The following DOCK3 variants were observed in gnomAD, a reference collection of about 807,000 sequenced individuals.
The protein encoded by DOCK3 is dedicator of cytokinesis protein 3.
A neutral mutation model predicts 265.6 loss-of-function variants in DOCK3; 60 were observed. The observed-to-expected ratio is 0.23, with a 90% CI of 0.18 to 0.28. The LOEUF (loss-of-function observed/expected upper bound fraction) is 0.28, where lower values mean the gene tolerates loss of function less well. Ranked by LOEUF, DOCK3 falls within the 10% of genes least tolerant of loss-of-function variation. The probability of loss-of-function intolerance (pLI) is 1.00; values close to 1 mark genes in which losing one functional copy is unlikely to be tolerated. For missense variants in DOCK3, 1,981 were observed against 2,594.3 expected, an observed-to-expected ratio of 0.76 and a Z score of 5.14; for synonymous variants, 881 against 938.0, an observed-to-expected ratio of 0.94 and a Z score of 1.11.
intron 5 of DOCK3, among the ~76,000 whole-genome samples, chr3:51,023,088 T>C (rs2108889809): frequency 6.6e-6 from 1 of 152,298 alleles, no homozygotes; most frequent in African/African-American, 2.4e-5. Flanking sequence ...TAGGTAGATA[T>C]CCAGATCTCT....
intron 37 of DOCK3, 143 bp from the exon 38 acceptor site, chr3:51,341,094 C>T (rs923618173): frequency 2.0e-6 from 2 of 1,014,510 alleles, no homozygotes; most frequent in African/African-American, 1.6e-5. Flanking sequence ...CCTACTGTTT[C>T]ATCTTTAGTA....
At chr3:50,764,715 A>AG (rs1185969181) in intron 1 of DOCK3, among the ~76,000 whole-genome samples, 2 of 152,128 alleles carry the variant, frequency 1.3e-5, no homozygotes, top group African/African-American at 2.4e-5. Context: ...TGAGGGGGTG[A>AG]GGCAGGAGGA....
chr3:50,689,307 A>G (rs2035051350), intron 1 of DOCK3, among the ~76,000 whole-genome samples: 1 of 152,240 alleles, frequency 6.6e-6, no homozygotes, highest in South Asian at 2.1e-4. Flanking sequence ...TGGATGATTT[A>G]TAAAGGAAAG....
intron 21 of DOCK3, among the ~76,000 whole-genome samples, chr3:51,241,512 T>C (rs2078610508): frequency 6.6e-6 from 1 of 152,250 alleles, no homozygotes; most frequent in South Asian, 2.1e-4. Context: ...TCCTGAAATA[T>C]GTTTTCTAAG....
At chr3:50,781,085 C>G (rs898522822) in intron 2 of DOCK3, among the ~76,000 whole-genome samples, 32 of 151,850 alleles carry the variant, frequency 2.1e-4, no homozygotes. Flanking sequence ...CATATCTTGG[C>G]TGTTGTGAAT....
At chr3:50,704,925 G>A (rs1461088392) in intron 1 of DOCK3, among the ~76,000 whole-genome samples, 2 of 151,920 alleles carry the variant, frequency 1.3e-5, no homozygotes, top group South Asian at 2.1e-4. Context: ...CACCACGCCC[G>A]GCCTCTATAT....
intron 5 of DOCK3, among the ~76,000 whole-genome samples, chr3:50,945,478 AAG>A (rs2076402624): frequency 6.6e-6 from 1 of 152,186 alleles, no homozygotes; most frequent in African/African-American, 2.4e-5. Context: ...GTATTAATAT[AAG>A]AGATTATGTT....
At chr3:51,159,433 T>C in intron 11 of DOCK3, 129 bp downstream of exon 11, 1 of 807,486 alleles carries the variant, frequency 1.2e-6, no homozygotes, top group South Asian at 2.0e-5. Context: ...AGAGTCCAGC[T>C]TGTATTGAAG....
At chr3:51,011,876 T>A (rs1455515956) in intron 5 of DOCK3, among the ~76,000 whole-genome samples, 2 of 152,312 alleles carry the variant, frequency 1.3e-5, no homozygotes, top group East Asian at 3.9e-4. Context: ...AGTTGGAGTT[T>A]GCTGGAGGTC....
intron 9 of DOCK3, among the ~76,000 whole-genome samples, chr3:51,145,868 A>T (rs909113498): frequency 1.3e-5 from 2 of 152,316 alleles, no homozygotes; most frequent in East Asian, 3.9e-4. Flanking sequence ...GTTCTACCTT[A>T]GATCATCAGG....
intron 9 of DOCK3, among the ~76,000 whole-genome samples, chr3:51,133,945 A>C (rs555085691): frequency 6.6e-6 from 1 of 152,056 alleles, no homozygotes; most frequent in East Asian, 1.9e-4. Context: ...CCTCACCCTC[A>C]GTGGGCCCCA....
At chr3:51,329,362 C>A (rs933989874) in intron 32 of DOCK3, among the ~76,000 whole-genome samples, 3 of 152,044 alleles carry the variant, frequency 2.0e-5, no homozygotes, top group Non-Finnish European at 4.4e-5. Context: ...CGTAACAAAC[C>A]TGGCACAGGT....
At chr3:50,688,842 G>A (rs1281923897) in intron 1 of DOCK3, among the ~76,000 whole-genome samples, 2 of 152,064 alleles carry the variant, frequency 1.3e-5, no homozygotes, top group African/African-American at 4.8e-5. Flanking sequence ...TCTCATCATT[G>A]AGTCTTCCCC....
intron 5 of DOCK3, among the ~76,000 whole-genome samples, chr3:51,026,909 G>T (rs2079846941): frequency 1.3e-5 from 2 of 151,354 alleles, no homozygotes; most frequent in Admixed American, 6.6e-5. Flanking sequence ...TTTTTTCAAA[G>T]AACCAAATTT....
At chr3:51,085,635 C>A (rs1436749986) in intron 7 of DOCK3, among the ~76,000 whole-genome samples, 1 of 152,080 alleles carries the variant, frequency 6.6e-6, no homozygotes, top group African/African-American at 2.4e-5. Flanking sequence ...AAAATGGAAA[C>A]ACAACATATC....
chr3:50,737,116 G>A (rs749996038), intron 1 of DOCK3, among the ~76,000 whole-genome samples: 10 of 152,214 alleles, frequency 6.6e-5, no homozygotes, highest in East Asian at 3.9e-4. Flanking sequence ...TTTGTCAGAT[G>A]AGTAGATTGC....
chr3:51,185,552 A>T (rs907900512), intron 12 of DOCK3, among the ~76,000 whole-genome samples: 1 of 152,206 alleles, frequency 6.6e-6, no homozygotes, highest in Non-Finnish European at 1.5e-5. Flanking sequence ...TTGTTCTAAG[A>T]TAGTAAAGCT....
intron 4 of DOCK3, among the ~76,000 whole-genome samples, chr3:50,909,875 CT>C (rs1439069492): frequency 6.6e-6 from 1 of 151,864 alleles, no homozygotes; most frequent in Non-Finnish European, 1.5e-5. Flanking sequence ...TAGGTTTGGT[CT>C]TTTTATGTAA....
chr3:51,187,165 G>A (rs991954871), intron 12 of DOCK3, among the ~76,000 whole-genome samples: 4 of 152,190 alleles, frequency 2.6e-5, no homozygotes, highest in Admixed American at 2.6e-4. Context: ...ACAGTGGGTG[G>A]AGCTGCCCAA....
Sources: gnomAD v4.1 joint callset for allele counts (sites outside exome capture counted in the v4.1 genomes callset) on GRCh38, gnomAD v4.1.1 for gene constraint, MANE v1.5 for transcripts, NCBI Gene and HGNC (gene_info 2026-07-23, HGNC 2026-07-21) for gene names.